ZNF407: variants seen among roughly 807,000 people sequenced by gnomAD.
The protein encoded by ZNF407 is zinc finger protein 407.
In ZNF407, 17 loss-of-function variants were observed where a neutral mutation model predicts 131.2. That is an observed-to-expected ratio of 0.13 (90% CI 0.09 to 0.19). The LOEUF is 0.19. Among genes scored for constraint, ZNF407 ranks in the 10% least tolerant of loss-of-function variants. The pLI is 1.00. For synonymous variants in ZNF407, 1,156 were observed against 1,062.0 expected, an observed-to-expected ratio of 1.09 and a Z score of -1.72; for missense variants, 2,681 against 2,830.6, an observed-to-expected ratio of 0.95 and a Z score of 1.20.
chr18:74,852,228 T>C lies in ZNF407; in HGVS notation c.4878-24969T>C, dbSNP rs139597582. ...GCACGCACGCGCACGCGCGCGCGCA[T>C]TGCTGGCTTTATTTTTCTTCTAAAA... is the stretch of plus-strand genomic sequence containing the variant. On this transcript the variant is annotated intron_variant, in intron 4 of 8. Coordinates refer to ENST00000299687, the MANE Select transcript of ZNF407 (RefSeq NM_017757.3). Among the ~76,000 whole-genome samples the C allele has an allele frequency of 9.7e-4, 147 of 152,088 alleles. 1 individual carries two copies. The South Asian group carries it at 0.014, about 15-fold the overall frequency.
intron 3 of ZNF407, among the ~76,000 whole-genome samples, chr18:74,758,828 C>T (rs547702776): frequency 2.0e-5 from 3 of 152,086 alleles, no homozygotes; most frequent in Non-Finnish European, 4.4e-5. Context: ...GATCCGCCCA[C>T]CTTGACTTCC....
chr18:74,697,637 A>G (rs188221788), intron 3 of ZNF407, among the ~76,000 whole-genome samples: 47 of 152,288 alleles, frequency 3.1e-4, no homozygotes, highest in African/African-American at 9.4e-4. Flanking sequence ...ATTGTTTTAT[A>G]TATACTATGT....
At chr18:74,612,702 A>T (rs1194682869) in intron 1 of ZNF407, among the ~76,000 whole-genome samples, 1 of 152,230 alleles carries the variant, frequency 6.6e-6, no homozygotes, top group Non-Finnish European at 1.5e-5. Flanking sequence ...AAATGAATGA[A>T]GATTGCATCT....
intron 8 of ZNF407, among the ~76,000 whole-genome samples, chr18:74,961,739 A>C (rs913666796): frequency 6.6e-6 from 1 of 151,878 alleles, no homozygotes; most frequent in African/African-American, 2.4e-5. Context: ...AAAAGTTTGC[A>C]AAGTGCCCAG....
intron 8 of ZNF407, among the ~76,000 whole-genome samples, chr18:74,959,309 G>A (rs545566036): frequency 7.2e-5 from 11 of 152,284 alleles, no homozygotes; most frequent in African/African-American, 1.2e-4. Flanking sequence ...CATGACAATC[G>A]TTGTTTAAGA....
intron 8 of ZNF407, among the ~76,000 whole-genome samples, chr18:75,028,060 C>A (rs546351261): frequency 6.6e-6 from 1 of 152,152 alleles, no homozygotes; most frequent in Non-Finnish European, 1.5e-5. Context: ...CTGGAAGATT[C>A]CAATTTTGAG....
At chr18:74,672,481 G>A (rs974646691) in intron 3 of ZNF407, among the ~76,000 whole-genome samples, 10 of 76,344 alleles carry the variant, frequency 1.3e-4, no homozygotes, top group Admixed American at 2.8e-4. Flanking sequence ...TTGGAGCACC[G>A]TTTGTCTGTT....
intron 3 of ZNF407, among the ~76,000 whole-genome samples, chr18:74,727,155 A>G (rs1362811040): frequency 6.6e-6 from 1 of 152,222 alleles, no homozygotes; most frequent in Non-Finnish European, 1.5e-5. Flanking sequence ...GAACATAGAA[A>G]AACAACATTT....
chr18:74,793,852 G>A (rs9964655), intron 4 of ZNF407, among the ~76,000 whole-genome samples: 99,246 of 151,958 alleles, frequency 0.65, 34,341 homozygotes, highest in East Asian at 0.95. Flanking sequence ...GAGTCAGCAC[G>A]TACTCTTTGT....
intron 3 of ZNF407, among the ~76,000 whole-genome samples, chr18:74,666,124 T>C (rs1242650753): frequency 1.3e-5 from 2 of 152,138 alleles, no homozygotes; most frequent in Non-Finnish European, 2.9e-5. Context: ...GCCTGACTGC[T>C]GTGTGCACGC....
chr18:74,933,382 G>C (rs905315456), intron 8 of ZNF407, among the ~76,000 whole-genome samples: 1 of 152,196 alleles, frequency 6.6e-6, no homozygotes, highest in Non-Finnish European at 1.5e-5. Flanking sequence ...ATAGAAGGTA[G>C]AATGTTGGGT....
intron 3 of ZNF407, among the ~76,000 whole-genome samples, chr18:74,754,387 C>T (rs1157109594): frequency 1.3e-5 from 2 of 152,136 alleles, no homozygotes; most frequent in Non-Finnish European, 2.9e-5. Flanking sequence ...TTGCCTTCTG[C>T]TAGCTTTTAA....
rs1000640309 is a variant in ZNF407 at position 75,007,944 on chromosome 18, C to G, written c.5429-55206C>G. 2.6e-5 allele frequency among the ~76,000 whole-genome samples: 4 copies of G among 152,232 alleles called. No individual in the cohort carries two copies. The Middle Eastern group carries it at 0.01, about 388-fold the overall frequency. Reference sequence around the variant, plus strand: ...ACAAGCTAAATTTCGAAAGTGGTTTCTAGACAGGGAAAGGTAAATGGTTTT... The same window carrying G: ...ACAAGCTAAATTTCGAAAGTGGTTTGTAGACAGGGAAAGGTAAATGGTTTT... On this transcript the variant is annotated intron_variant, in intron 8 of 8. Transcript: ENST00000299687.
chr18:74,620,023 A>AT (rs1434384786), intron 1 of ZNF407, among the ~76,000 whole-genome samples: 3 of 60,122 alleles, frequency 5.0e-5, no homozygotes, highest in Admixed American at 4.3e-4. Context: ...TATCCCAATA[A>AT]TTAAAAAAAA....
At chr18:74,899,386 G>A (rs544719757) in intron 7 of ZNF407, among the ~76,000 whole-genome samples, 1 of 152,256 alleles carries the variant, frequency 6.6e-6, no homozygotes, top group South Asian at 2.1e-4. Flanking sequence ...ATGGACTGAG[G>A]GGAGGGTGAC....
chr18:74,656,443 C>A (rs571355073), intron 3 of ZNF407, among the ~76,000 whole-genome samples: 2 of 151,880 alleles, frequency 1.3e-5, no homozygotes, highest in Non-Finnish European at 2.9e-5. Context: ...TTGACCCCAC[C>A]CTGAGACTGT....
chr18:74,880,439 C>T (rs1309406154), intron 5 of ZNF407, among the ~76,000 whole-genome samples: 2 of 152,042 alleles, frequency 1.3e-5, no homozygotes, highest in South Asian at 2.1e-4. Context: ...GCCATGAAAG[C>T]GAGAAACATA....
intron 4 of ZNF407, among the ~76,000 whole-genome samples, chr18:74,875,648 C>G (rs1194607678): frequency 6.6e-6 from 1 of 152,014 alleles, no homozygotes; most frequent in African/African-American, 2.4e-5. Context: ...AAGAGATATA[C>G]GGACGTGATT....
intron 3 of ZNF407, among the ~76,000 whole-genome samples, chr18:74,743,279 T>C (rs1028033415): frequency 2.0e-5 from 3 of 152,066 alleles, no homozygotes; most frequent in African/African-American, 7.2e-5. Flanking sequence ...AACAAGGCAA[T>C]AGCACCAATT....
Sources: gnomAD v4.1 joint callset for allele counts (sites outside exome capture counted in the v4.1 genomes callset) on GRCh38, gnomAD v4.1.1 for gene constraint, MANE v1.5 for transcripts, NCBI Gene and HGNC (gene_info 2026-07-23, HGNC 2026-07-21) for gene names.